Variants in DCC observed in about 807,000 individuals in gnomAD.
The protein encoded by DCC is DCC netrin 1 receptor, also known as netrin receptor DCC.
Under a neutral mutation model 172.5 loss-of-function variants are expected in DCC, and 58 were observed. The observed-to-expected ratio is 0.34, with a 90% CI of 0.27 to 0.42. DCC has a LOEUF of 0.42. Ranked by LOEUF, DCC falls within the 10% of genes least tolerant of loss-of-function variation. The probability of loss-of-function intolerance (pLI) is 1.00; values close to 1 mark genes in which losing one functional copy is unlikely to be tolerated. For missense variants in DCC, 1,740 were observed against 1,791.0 expected, an observed-to-expected ratio of 0.97 and a Z score of 0.51; for synonymous variants, 709 against 644.5, an observed-to-expected ratio of 1.10 and a Z score of -1.52.
Position 52,642,014 on chromosome 18 carries a change from GTATATATA to G in DCC, c.92-110015_92-110008del, listed in dbSNP as rs1193018662. Among the ~76,000 whole-genome samples, 212 of 34,520 alleles carry G rather than the reference GTATATATA, an allele frequency of 6.1e-3. 2 individuals carry two copies. Among genetic ancestry groups the G allele is most frequent in the East Asian group, 0.023 (45 of 1,994 alleles). The allele number at this position is 34,520 out of a possible 152,430, so 22.6% of individuals were successfully genotyped here. ...GATAAAGAAACTGTGGTGTGTGTGTGTATATATATATATATATATATATATATATATAC... is the reference window on the plus strand; with the variant it reads ...GATAAAGAAACTGTGGTGTGTGTGTGTATATATATATATATATATATATAC... On this transcript the variant is annotated intron_variant, in intron 1 of 28. Coordinates refer to ENST00000442544, the MANE Select transcript of DCC (RefSeq NM_005215.4).
chr18:52,661,407 A>G (rs1213078540), intron 1 of DCC, among the ~76,000 whole-genome samples: 1 of 152,246 alleles, frequency 6.6e-6, no homozygotes, highest in African/African-American at 2.4e-5. Flanking sequence ...TGGGGAGTCC[A>G]GAAACAGTTG....
chr18:53,343,657 G>C (rs1363015971), intron 15 of DCC, among the ~76,000 whole-genome samples: 1 of 151,716 alleles, frequency 6.6e-6, no homozygotes, highest in Non-Finnish European at 1.5e-5. Flanking sequence ...TTTTACTCCA[G>C]TTAGATTGGC....
rs574609111 is a variant in DCC at position 52,951,441 on chromosome 18, A to AC, written c.985+26077dup. On this transcript the variant is annotated intron_variant, in intron 5 of 28. Transcript: ENST00000442544. ...AATGCTCTCCTTCCCCTTGCCTCCC[A>AC]CCCCCCGACAGGTCCCGGTGTGTGA... Among the ~76,000 whole-genome samples the AC allele has an allele frequency of 6.4e-3, 950 of 149,146 alleles. 7 individuals carry two copies. The highest frequency in any genetic ancestry group is 0.023 in the African/African-American group (911 of 40,488).
chr18:53,262,088 T>G (rs2144685354), intron 12 of DCC, among the ~76,000 whole-genome samples: 1 of 152,300 alleles, frequency 6.6e-6, no homozygotes, highest in Middle Eastern at 3.4e-3. Context: ...GTTTCTGTTC[T>G]TACACAAAGA....
At chr18:52,980,751 C>G (rs370517819) in intron 5 of DCC, among the ~76,000 whole-genome samples, 2 of 151,592 alleles carry the variant, frequency 1.3e-5, no homozygotes, top group African/African-American at 4.8e-5. Context: ...GGTTAAAGTT[C>G]TCTTAAATAA....
At chr18:53,403,546 T>C (rs1427693572) in intron 19 of DCC, among the ~76,000 whole-genome samples, 1 of 152,204 alleles carries the variant, frequency 6.6e-6, no homozygotes, top group East Asian at 1.9e-4. Context: ...TGGAGTTCTA[T>C]CAGAGATTTT....
intron 15 of DCC, among the ~76,000 whole-genome samples, chr18:53,357,436 T>A (rs1431175458): frequency 6.6e-6 from 1 of 152,122 alleles, no homozygotes; most frequent in Non-Finnish European, 1.5e-5. Context: ...AATACAGAAG[T>A]TTTAAGTTTA....
At chr18:52,884,316 G>T (rs1119276) in intron 2 of DCC, among the ~76,000 whole-genome samples, 146,649 of 152,116 alleles carry the variant, frequency 0.96, 70,939 homozygotes, top group Middle Eastern at 1. Context: ...ACTTCCTCTT[G>T]AAGACCATTG....
At chr18:53,006,486 A>AT (rs1207001088) in intron 5 of DCC, among the ~76,000 whole-genome samples, 2 of 152,222 alleles carry the variant, frequency 1.3e-5, no homozygotes. Context: ...CTAGAGATGT[A>AT]TTTTTGTGAT....
At chr18:52,822,199 G>A (rs1210030098) in intron 2 of DCC, among the ~76,000 whole-genome samples, 2 of 150,990 alleles carry the variant, frequency 1.3e-5, no homozygotes, top group Non-Finnish European at 2.9e-5. Context: ...ATCTTAACTG[G>A]TTTTGTGAAA....
chr18:52,341,416 C>T (rs974008323), intron 1 of DCC, among the ~76,000 whole-genome samples: 2 of 152,162 alleles, frequency 1.3e-5, no homozygotes, highest in Non-Finnish European at 2.9e-5. Context: ...TGTTTTGGTA[C>T]TTCCAAGGAG....
intron 15 of DCC, among the ~76,000 whole-genome samples, chr18:53,342,460 A>T (rs533391169): frequency 1.3e-5 from 2 of 151,924 alleles, no homozygotes; most frequent in South Asian, 4.1e-4. Flanking sequence ...CAATTGATCT[A>T]TTTATCTATC....
Position 52,502,546 on chromosome 18 carries a change from T to C in DCC, c.91+161668T>C, listed in dbSNP as rs369750261. Among the ~76,000 whole-genome samples, 97 of 152,306 alleles carry C rather than the reference T, an allele frequency of 6.4e-4. 1 individual carries two copies. The highest frequency in any genetic ancestry group is 2.3e-3 in the African/African-American group (96 of 41,576). On this transcript the variant is annotated intron_variant, in intron 1 of 28. Coordinates refer to ENST00000442544, the MANE Select transcript of DCC (RefSeq NM_005215.4). ...TTTTCTGATTGTTATAATGATAAGA[T>C]ATACTGGGCCACTGAACATCTAGAA...
chr18:52,555,484 T>G (rs1211872022), intron 1 of DCC, among the ~76,000 whole-genome samples: 1 of 152,106 alleles, frequency 6.6e-6, no homozygotes, highest in Non-Finnish European at 1.5e-5. Context: ...TTTTTTTCTT[T>G]TGTTATGCCA....
chr18:53,309,822 G>C (rs2057243355), intron 13 of DCC, among the ~76,000 whole-genome samples: 1 of 151,466 alleles, frequency 6.6e-6, no homozygotes, highest in South Asian at 2.1e-4. Flanking sequence ...GTTACATCTT[G>C]ATTTCATGAG....
At chr18:52,419,335 A>G (rs1663281024) in intron 1 of DCC, 1 of 152,152 alleles carries the variant, frequency 6.6e-6, no homozygotes, top group South Asian at 2.1e-4. Flanking sequence ...TTGGCCTGCA[A>G]GATATTCAGA....
At position 53,397,423 on chromosome 18, in the gene DCC, C is replaced by T; in HGVS notation, c.2804C>T (p.Ala935Val). Residue 935 changes from alanine (A) to valine (V), a missense_variant, in exon 18 of 29, where the codon GCA (alanine) becomes GTA (valine). By Grantham distance (64) the Ala-to-Val change is moderately conservative. Around this residue, in one of 2 missense-constraint regions of DCC, gnomAD observed 1,732 missense variants for 1,767.4 expected, o/e 0.98. Transcript: ENST00000442544. ...AGGTCCAGTACTTGGAGCATGACTG[C>T]ACATGCCACCACGTATGAAGCAGGT... ...NRRSSTWSMT[A>V]HATTYEAAPT... 4 of 1,613,938 alleles carry T rather than the reference C, an allele frequency of 2.5e-6. No homozygotes were observed. The highest frequency in any genetic ancestry group is 3.4e-6 in the Non-Finnish European group (4 of 1,179,900).
intron 1 of DCC, among the ~76,000 whole-genome samples, chr18:52,350,050 T>C (rs1031900492): frequency 2.0e-5 from 3 of 152,224 alleles, no homozygotes; most frequent in African/African-American, 7.2e-5. Flanking sequence ...GGAAGGACTA[T>C]CAATGCCTAA....
intron 1 of DCC, among the ~76,000 whole-genome samples, chr18:52,567,898 A>G (rs1007778198): frequency 6.6e-6 from 1 of 152,164 alleles, no homozygotes; most frequent in African/African-American, 2.4e-5. Flanking sequence ...ATAACTATTC[A>G]AATTTATACT....
Sources: allele counts gnomAD v4.1 joint callset (sites outside exome capture counted in the v4.1 genomes callset), GRCh38; gene constraint gnomAD v4.1.1; regional missense constraint gnomAD v4.1.1; transcripts MANE v1.5; gene names NCBI Gene and HGNC (gene_info 2026-07-23, HGNC 2026-07-21).